The following TSPEAR variants were observed in gnomAD, a reference collection of about 807,000 sequenced individuals.
The protein encoded by TSPEAR is thrombospondin-type laminin G domain and EAR repeat-containing protein.
TSPEAR carries 69 observed loss-of-function variants against 71.6 expected under a neutral mutation model. The observed-to-expected ratio is 0.96, with a 90% CI of 0.79 to 1.18. The LOEUF is 1.18. Ranked by LOEUF, TSPEAR falls within the 50% of genes most tolerant of loss-of-function variation. TSPEAR has a pLI of 0.00. For missense variants in TSPEAR, 971 were observed against 894.9 expected (o/e 1.09, Z -1.09); for synonymous variants, 402 against 387.2 (o/e 1.04, Z -0.45).
intron 1 of TSPEAR, among the ~76,000 whole-genome samples, chr21:44,590,268 G>A (rs1232297134): frequency 1.3e-4 from 20 of 152,340 alleles, no homozygotes; most frequent in East Asian, 1.2e-3. Flanking sequence ...CGTACCACTC[G>A]CCCAACGCGG....
At chr21:44,703,799 G>A (rs1987773711) in intron 1 of TSPEAR, among the ~76,000 whole-genome samples, 1 of 152,022 alleles carries the variant, frequency 6.6e-6, no homozygotes, top group Non-Finnish European at 1.5e-5. Context: ...GTGTTTCCAG[G>A]ATCCCCAAGG....
chr21:44,652,018 G>A (rs1386886025), intron 1 of TSPEAR, among the ~76,000 whole-genome samples: 4 of 126,948 alleles, frequency 3.2e-5, no homozygotes, highest in Admixed American at 9.7e-5. Flanking sequence ...GAGTCTCACT[G>A]TGTCGCCCAG....
chr21:44,587,802 T>C (rs1449167970), intron 1 of TSPEAR, among the ~76,000 whole-genome samples: 1 of 152,226 alleles, frequency 6.6e-6, no homozygotes, highest in Non-Finnish European at 1.5e-5. Context: ...CAAATGGTTC[T>C]GGGATAATTG....
chr21:44,500,363 G>A (rs919106943), intron 11 of TSPEAR, among the ~76,000 whole-genome samples: 10 of 152,168 alleles, frequency 6.6e-5, no homozygotes, highest in African/African-American at 1.4e-4. Context: ...GCTGCTCTGC[G>A]GCCCCACGTC....
intron 5 of TSPEAR, 38 bp downstream of exon 5, chr21:44,529,760 C>T (rs1555915474): frequency 6.2e-7 from 1 of 1,611,698 alleles, no homozygotes. Flanking sequence ...GCTCTCGCAT[C>T]TGCCTTTGGT....
chr21:44,691,897 C>T (rs1555949768), intron 1 of TSPEAR, among the ~76,000 whole-genome samples: 1 of 152,152 alleles, frequency 6.6e-6, no homozygotes, highest in Non-Finnish European at 1.5e-5. Flanking sequence ...CCACATAAGA[C>T]ATCAAAAGAA....
Position 44,689,712 on chromosome 21 carries a change from A to AATGAATATATATATATATATAT in TSPEAR, c.82+21720_82+21721insATATATATATATATATATTCAT, listed in dbSNP as rs781858508. 4.8e-3 allele frequency among the ~76,000 whole-genome samples: 296 copies of AATGAATATATATATATATATAT among 62,004 alleles called. 13 individuals carry two copies. The highest frequency in any genetic ancestry group is 9.2e-3 in the South Asian group (14 of 1,528). The allele number at this position is 62,004 out of a possible 152,430, so 40.7% of individuals were successfully genotyped here. Reference sequence around the variant, plus strand: ...TCCCTTAGAGGGACAGAATAGAATGAATATATATATATATATATATATATA... The same window carrying AATGAATATATATATATATATAT: ...TCCCTTAGAGGGACAGAATAGAATGAATGAATATATATATATATATATATATATATATATATATATATATATA... On this transcript the variant is annotated intron_variant, in intron 1 of 11. Transcript: ENST00000323084.
At chr21:44,573,511 C>T (rs1262552337) in intron 1 of TSPEAR, among the ~76,000 whole-genome samples, 1 of 152,210 alleles carries the variant, frequency 6.6e-6, no homozygotes, top group Non-Finnish European at 1.5e-5. Flanking sequence ...CGCACATGCG[C>T]CCCAGGCCAA....
chr21:44,630,691 A>G (rs1983207714), intron 1 of TSPEAR, among the ~76,000 whole-genome samples: 1 of 151,948 alleles, frequency 6.6e-6, no homozygotes, highest in Admixed American at 6.6e-5. Context: ...GTGAAGGGGA[A>G]GTGAAGGGGA....
chr21:44,582,905 C>G, intron 1 of TSPEAR, among the ~76,000 whole-genome samples: 1 of 152,118 alleles, frequency 6.6e-6, no homozygotes, highest in South Asian at 2.1e-4. Context: ...GTGCTGCAGG[C>G]CCCACCTCCC....
chr21:44,682,135 G>A, intron 1 of TSPEAR: 1 of 1,612,740 alleles, frequency 6.2e-7, no homozygotes, highest in Non-Finnish European at 8.5e-7. Flanking sequence ...GTGGCGTGTG[G>A]CTGGATAAGG....
chr21:44,636,374 A>G (rs1023802943), intron 1 of TSPEAR, among the ~76,000 whole-genome samples: 1 of 152,214 alleles, frequency 6.6e-6, no homozygotes, highest in Admixed American at 6.5e-5. Context: ...GTATTTCCAC[A>G]CTGTCATGGC....
At chr21:44,641,300 G>A (rs782193842) in intron 1 of TSPEAR, among the ~76,000 whole-genome samples, 2 of 152,204 alleles carry the variant, frequency 1.3e-5, no homozygotes, top group African/African-American at 2.4e-5. Context: ...CAAAAAGGAG[G>A]AGGAAGAGGA....
At chr21:44,567,695 C>G in intron 2 of TSPEAR, 90 bp downstream of exon 2, 2 of 1,119,678 alleles carry the variant, frequency 1.8e-6, no homozygotes, top group Non-Finnish European at 2.4e-6. Context: ...TGACAAATGC[C>G]GCCCCTCAAC....
chr21:44,707,103 T>C (rs1465677317), intron 1 of TSPEAR, among the ~76,000 whole-genome samples: 4 of 152,308 alleles, frequency 2.6e-5, no homozygotes, highest in Admixed American at 2.6e-4. Context: ...TTATCAGTTG[T>C]GTGGGGTTGG....
intron 1 of TSPEAR, among the ~76,000 whole-genome samples, chr21:44,660,728 A>G (rs1284091755): frequency 6.6e-6 from 1 of 152,172 alleles, no homozygotes; most frequent in Non-Finnish European, 1.5e-5. Context: ...GCACTTTGGG[A>G]GGCCGAGGTG....
Position 44,612,605 on chromosome 21 carries a change from A to G in TSPEAR, c.83-44600T>C. Reference sequence around the variant, plus strand: ...ATGCCAACAGGCCTGCTGTGTGCCCATCTGCTGCAAGCCCATCTGCTGTGT... The same window carrying G: ...ATGCCAACAGGCCTGCTGTGTGCCCGTCTGCTGCAAGCCCATCTGCTGTGT... On this transcript the variant is annotated intron_variant, in intron 1 of 11. Transcript: ENST00000323084. The surrounding 1 kb of genome is among the most constrained non-coding windows in gnomAD (Gnocchi z 4.1). 2 of 1,613,264 alleles carry G rather than the reference A, an allele frequency of 1.2e-6. No homozygotes were observed. Among genetic ancestry groups the G allele is most frequent in the Non-Finnish European group, 1.7e-6 (2 of 1,179,788 alleles).
intron 1 of TSPEAR, chr21:44,575,078 T>C (rs1978343320): frequency 6.8e-7 from 1 of 1,470,790 alleles, no homozygotes; most frequent in Admixed American, 2.1e-5. Flanking sequence ...TGAAAGCTGA[T>C]AGTCGCGTCC....
At chr21:44,702,263 CG>C in intron 1 of TSPEAR, 1 of 1,606,426 alleles carries the variant, frequency 6.2e-7, no homozygotes, top group Non-Finnish European at 8.5e-7. Flanking sequence ...GACGACTGCC[CG>C]GAGAGCTGCT....
Sources: allele counts gnomAD v4.1 joint callset (sites outside exome capture counted in the v4.1 genomes callset), GRCh38; gene constraint gnomAD v4.1.1; non-coding constraint Gnocchi (gnomAD v3.1); transcripts MANE v1.5; gene names NCBI Gene and HGNC (gene_info 2026-07-23, HGNC 2026-07-21).